GART: variants seen among roughly 807,000 people sequenced by gnomAD.
GART encodes phosphoribosylglycinamide formyltransferase, phosphoribosylglycinamide synthetase, phosphoribosylaminoimidazole synthetase.
A neutral mutation model predicts 107.2 loss-of-function variants in GART; 43 were observed. The observed-to-expected ratio is 0.40, with a 90% CI of 0.31 to 0.52. The LOEUF is 0.52. Among genes scored for constraint, GART ranks in the 20% least tolerant of loss-of-function variants. GART has a pLI of 0.52. For synonymous variants in GART, 434 were observed against 427.0 expected (o/e 1.02, Z -0.20); for missense variants, 1,107 against 1,206.5 (o/e 0.92, Z 1.22).
rs1455583942 is a variant in GART, at chr21:33,505,983, A to G, written c.2574T>C (p.Ile858=). The change falls in exon 19 of 22, where the codon ATT becomes ATC. Residue 858 remains isoleucine, a synonymous_variant. Coordinates refer to ENST00000381815, the MANE Select transcript of GART (RefSeq NM_000819.5). ...AGLDKAERAG[I]PTRVINHKLY... is the part of the protein sequence containing the mutation. ...TTCCCAAGTAACTTACTCTAGTGGG[A>G]ATACCAGCTCTTTCCGCTTTATCTA... is the stretch of plus-strand genomic sequence containing the variant. 1.2e-6 allele frequency: 2 copies of G among 1,613,934 alleles called. No individual in the cohort carries two copies. The highest frequency in any genetic ancestry group is 4.5e-5 in the East Asian group (2 of 44,892).
intron 20 of GART, 51 bp from the exon 21 acceptor site, chr21:33,504,578 C>A (rs1489618101): frequency 7.6e-7 from 1 of 1,307,266 alleles, no homozygotes; most frequent in Non-Finnish European, 1.1e-6. Context: ...CCTGGGTATT[C>A]TGTTAAAGGA....
At chr21:33,524,655 C>T (rs1804385) in intron 11 of GART, 114 bp downstream of exon 11, 3 of 1,499,968 alleles carry the variant, frequency 2.0e-6, no homozygotes, top group Non-Finnish European at 2.7e-6. Flanking sequence ...GACTGTATCA[C>T]TCCCACAGAG....
In GART at chr21:33,537,643, C is replaced by A. The variant is rs143471866; in HGVS notation, c.145+1528G>T. ...TAAGGAGGCTAACATTTAAGTGGAGCTCTGAATAATGAGGAGACAGTCATA... is the reference window on the plus strand; with the variant it reads ...TAAGGAGGCTAACATTTAAGTGGAGATCTGAATAATGAGGAGACAGTCATA... On this transcript the variant is annotated intron_variant, in intron 2 of 21. Coordinates refer to ENST00000381815, the MANE Select transcript of GART (RefSeq NM_000819.5). 1.3e-3 allele frequency among the ~76,000 whole-genome samples: 201 copies of A among 152,190 alleles called. No homozygotes were observed. In the Middle Eastern group the frequency reaches 0.017, roughly 13 times the overall value.
chr21:33,519,956 C>T (rs769486031), intron 14 of GART, among the ~76,000 whole-genome samples: 10 of 151,644 alleles, frequency 6.6e-5, no homozygotes, highest in Non-Finnish European at 1.3e-4. Flanking sequence ...TTATGTCACT[C>T]TATGGGAAAA....
chr21:33,511,260 C>G lies in GART; in HGVS notation c.2306G>C (p.Arg769Pro). The change falls in exon 17 of 22, where the codon CGA becomes CCA. Residue 769 changes from arginine (R) to proline (P), a missense_variant. Physicochemically the swap from Arg to Pro is moderately radical, Grantham distance 103 (BLOSUM62 -2). Coordinates refer to ENST00000381815, the MANE Select transcript of GART (RefSeq NM_000819.5). ...GAGTAAGGAGCAAGTACCTTCAGCTCGTGCAACCACACTGCCAATCACCCA... is the reference window on the plus strand; with the variant it reads ...GAGTAAGGAGCAAGTACCTTCAGCTGGTGCAACCACACTGCCAATCACCCA... ...EAWVIGSVVA[R>P]AEGSPRVKVK... 2 of 1,614,114 alleles carry G rather than the reference C, an allele frequency of 1.2e-6. No individual in the cohort carries two copies. The highest frequency in any genetic ancestry group is 1.7e-6 in the Non-Finnish European group (2 of 1,180,016).
chr21:33,521,086 A>G, intron 12 of GART, 71 bp from the exon 13 acceptor site: 1 of 1,268,842 alleles, frequency 7.9e-7, no homozygotes, highest in Non-Finnish European at 1.1e-6. Context: ...AATGTCTACT[A>G]GTTTAAAAAA....
chr21:33,535,347 ACCACTGCATTT>A, intron 2 of GART, 27 bp from the exon 3 acceptor site: 5 of 1,282,652 alleles, frequency 3.9e-6, no homozygotes, highest in South Asian at 1.5e-5. Context: ...AAAAAAAAAA[ACCACTGCATTT>A]ACAAAAACAT....
At chr21:33,534,871 G>A (rs2085274439) in intron 3 of GART, 118 bp from the exon 4 acceptor site, 1 of 820,362 alleles carries the variant, frequency 1.2e-6, no homozygotes. Context: ...ACTGGTGGCA[G>A]AGGATAACTA....
At chr21:33,516,037 C>G (rs997731938) in intron 16 of GART, among the ~76,000 whole-genome samples, 3 of 151,868 alleles carry the variant, frequency 2.0e-5, no homozygotes, top group Non-Finnish European at 2.9e-5. Context: ...CACTTGAGGT[C>G]AGGAATTCGA....
chr21:33,524,758 T>TA lies in GART; in HGVS notation c.1298+10dup. On this transcript the variant is annotated intron_variant, in intron 11 of 21. Coordinates refer to ENST00000381815, the MANE Select transcript of GART (RefSeq NM_000819.5). ...GAAATGGCACTACAGCTAACTTGCT[T>TA]AGAGTTTTACCTGGGCTGCTGGAGG... 1 of 1,614,152 alleles carries TA rather than the reference T, an allele frequency of 6.2e-7. No individual in the cohort carries two copies. Among genetic ancestry groups the TA allele is most frequent in the South Asian group, 1.1e-5 (1 of 91,082 alleles).
In GART at chr21:33,534,684, TCTAA is replaced by T. The variant is rs1456444308; in HGVS notation, c.307_310del (p.Leu103SerfsTer35). ...CTCTTTGGCAAACCTTTTGCTGGAC[TCTAA>T]CTGAGCCGCTTCTGCTGTTGGGCCA... is the stretch of plus-strand genomic sequence containing the variant. On this transcript the variant is annotated frameshift_variant, in exon 4 of 22. Coordinates refer to ENST00000381815, the MANE Select transcript of GART (RefSeq NM_000819.5). LOFTEE classifies it high-confidence loss of function. The T allele has an allele frequency of 6.2e-7, 1 of 1,613,502 alleles. No homozygotes were observed. Among genetic ancestry groups the T allele is most frequent in the Admixed American group, 1.7e-5 (1 of 59,880 alleles).
chr21:33,518,431 T>C (rs925550891), intron 14 of GART, among the ~76,000 whole-genome samples: 1 of 151,932 alleles, frequency 6.6e-6, no homozygotes, highest in African/African-American at 2.4e-5. Flanking sequence ...CGAGCCGAGA[T>C]TGTGCCACTG....
At chr21:33,531,736 T>C in intron 5 of GART, 179 bp from the exon 6 acceptor site, 1 of 588,954 alleles carries the variant, frequency 1.7e-6, no homozygotes, top group Non-Finnish European at 2.9e-6. Context: ...ATTTTTAATG[T>C]GGCAATAGTG....
intron 14 of GART, among the ~76,000 whole-genome samples, chr21:33,518,221 G>T (rs899561623): frequency 1.3e-5 from 2 of 152,202 alleles, no homozygotes; most frequent in African/African-American, 4.8e-5. Flanking sequence ...CGTGGCTCAC[G>T]CCTGTAATCC....
Position 33,532,414 on chromosome 21 carries a change from T to G in GART, c.459A>C (p.Ala153=). ...PALVVKASGL[A]AGKGVIVAKS... ...TTGCAACAATCACCCCTTTTCCAGC[T>G]GCAAGACCACTGGCCTTCACAACCA... The change falls in exon 5 of 22, where the codon GCA becomes GCC. Residue 153 remains alanine, a synonymous_variant. Coordinates refer to ENST00000381815, the MANE Select transcript of GART (RefSeq NM_000819.5). The G allele has an allele frequency of 6.2e-7, 1 of 1,614,058 alleles. No homozygotes were observed. Among genetic ancestry groups the G allele is most frequent in the African/African-American group, 1.3e-5 (1 of 75,046 alleles).
Position 33,528,610 on chromosome 21 carries a change from T to TAAA in GART, c.812-7_812-6insTTT. 1 of 1,395,870 alleles carries TAAA rather than the reference T, an allele frequency of 7.2e-7. No individual in the cohort carries two copies. The highest frequency in any genetic ancestry group is 9.4e-7 in the Non-Finnish European group (1 of 1,061,236). 86.5% of individuals were successfully genotyped at this position (1,395,870 alleles called of 1,614,324 possible). A position where few individuals can be genotyped will look rare whatever the true frequency, so the allele number is the denominator to read the frequency against. Reference sequence around the variant, plus strand: ...TATTCCAGCATAGAGAATACCTTCATTAAAAAAGAAAAAAAAAAAAAAGAG... The same window carrying TAAA: ...TATTCCAGCATAGAGAATACCTTCATAAATAAAAAAGAAAAAAAAAAAAAAGAG... On this transcript the variant is annotated splice_region_variant and splice_polypyrimidine_tract_variant and intron_variant, in intron 8 of 21. Coordinates refer to ENST00000381815, the MANE Select transcript of GART (RefSeq NM_000819.5).
In GART at chr21:33,528,731, TA is replaced by T. The variant is rs2085123780; in HGVS notation, c.811+118del. ...AAGTTTTGGAAAAATCATAAACATTTAAAAAATGGTCCATTAAAAAGTGGTA... is the reference window on the plus strand; with the variant it reads ...AAGTTTTGGAAAAATCATAAACATTTAAAAATGGTCCATTAAAAAGTGGTA... On this transcript the variant is annotated intron_variant, in intron 8 of 21. Coordinates refer to ENST00000381815, the MANE Select transcript of GART (RefSeq NM_000819.5). 1.3e-5 allele frequency: 12 copies of T among 959,610 alleles called. 1 individual carries two copies. Among genetic ancestry groups the T allele is most frequent in the Non-Finnish European group, 1.3e-5 (9 of 667,846 alleles). The allele number at this position is 959,610 out of a possible 1,614,324, so 59.4% of individuals were successfully genotyped here.
chr21:33,524,630 CA>C (rs2085034663), intron 11 of GART, 138 bp downstream of exon 11: 2 of 1,436,610 alleles, frequency 1.4e-6, no homozygotes, highest in African/African-American at 2.9e-5. Context: ...TTGATTCAAA[CA>C]AAATACAAAC....
rs373647982 is a variant in GART, at chr21:33,517,339, A to C, written c.1954+18T>G. 11 of 1,613,782 alleles carry C rather than the reference A, an allele frequency of 6.8e-6. No individual in the cohort carries two copies. The African/African-American group carries it at 1.5e-4, about 22-fold the overall frequency. On this transcript the variant is annotated intron_variant, in intron 15 of 21. Coordinates refer to ENST00000381815, the MANE Select transcript of GART (RefSeq NM_000819.5). ...CAGGCATTTCCAAGCAGGACAGTTT[A>C]AACATGAGGGAGTTTACCTAAAGTC...
Sources: allele counts gnomAD v4.1 joint callset (sites outside exome capture counted in the v4.1 genomes callset), GRCh38; gene constraint gnomAD v4.1.1; transcripts MANE v1.5; gene names NCBI Gene and HGNC (gene_info 2026-07-23, HGNC 2026-07-21).